The following GUCY1A2 variants were observed in gnomAD, a reference collection of about 807,000 sequenced individuals.
The protein encoded by GUCY1A2 is guanylate cyclase soluble subunit alpha-2.
GUCY1A2 carries 27 observed loss-of-function variants against 63.5 expected under a neutral mutation model. The observed-to-expected ratio is 0.43, with a 90% CI of 0.31 to 0.59. The LOEUF (loss-of-function observed/expected upper bound fraction) is 0.59. GUCY1A2 is among the 20% of genes least tolerant of loss of function. The pLI is 0.11. For missense variants in GUCY1A2, 768 were observed against 913.3 expected (o/e 0.84, Z 2.05); for synonymous variants, 364 against 343.5 (o/e 1.06, Z -0.66).
At chr11:106,692,255 T>C (rs962544425) in intron 7 of GUCY1A2, among the ~76,000 whole-genome samples, 1 of 152,164 alleles carries the variant, frequency 6.6e-6, no homozygotes, top group African/African-American at 2.4e-5. Flanking sequence ...CAGCTGGTTG[T>C]TACACACTCT....
At chr11:106,711,872 C>T (rs1863126195) in intron 6 of GUCY1A2, among the ~76,000 whole-genome samples, 1 of 152,076 alleles carries the variant, frequency 6.6e-6, no homozygotes, top group South Asian at 2.1e-4. Flanking sequence ...TCCACTGGCT[C>T]CCATCTTGCA....
intron 4 of GUCY1A2, among the ~76,000 whole-genome samples, chr11:106,857,747 T>C (rs1859456965): frequency 6.6e-6 from 1 of 152,204 alleles, no homozygotes; most frequent in African/African-American, 2.4e-5. Context: ...CATTATTTCC[T>C]TAAAAATACA....
rs1859633214 is a variant in GUCY1A2, at chr11:106,868,866, G to T, written c.1207-58388C>A. On this transcript the variant is annotated intron_variant, in intron 4 of 7. Transcript: ENST00000526355. Reference sequence around the variant, plus strand: ...ATCTGACTTCAAACCATACTACAAGGCTACAGTAACCAAAACAGCATGGTA... The same window carrying T: ...ATCTGACTTCAAACCATACTACAAGTCTACAGTAACCAAAACAGCATGGTA... Among the ~76,000 whole-genome samples, 3 of 152,120 alleles carry T rather than the reference G, an allele frequency of 2.0e-5. No homozygotes were observed. The South Asian group carries it at 6.2e-4, about 32-fold the overall frequency.
At chr11:106,779,878 C>T (rs767695964) in intron 5 of GUCY1A2, among the ~76,000 whole-genome samples, 2 of 152,120 alleles carry the variant, frequency 1.3e-5, no homozygotes, top group Middle Eastern at 3.2e-3. Flanking sequence ...ACAATCCGTA[C>T]ATGATTGTAT....
chr11:106,738,431 A>G (rs184136877), intron 6 of GUCY1A2, among the ~76,000 whole-genome samples: 4,453 of 152,194 alleles, frequency 0.029, 105 homozygotes, highest in South Asian at 0.07. Flanking sequence ...TTTTGTTGCC[A>G]TTGCTTTTGG....
In GUCY1A2 at chr11:106,687,596, C is replaced by T. The variant is rs748846335; in HGVS notation, c.2152G>A (p.Val718Ile). The T allele has an allele frequency of 1.2e-6, 2 of 1,613,980 alleles. No individual in the cohort carries two copies. Among genetic ancestry groups the T allele is most frequent in the South Asian group, 1.1e-5 (1 of 91,080 alleles). The change falls in exon 8 of 8, where the codon GTT (valine) becomes ATT (isoleucine). Residue 718 changes from valine to isoleucine, a missense_variant. Val to Ile is a conservative substitution (Grantham distance 29, BLOSUM62 3). Around this residue, in one of 3 missense-constraint regions of GUCY1A2, gnomAD observed 150 missense variants for 188.3 expected, o/e 0.80. Coordinates refer to ENST00000526355, the MANE Select transcript of GUCY1A2 (RefSeq NM_000855.3). ...AACATGGTGCCGATGTTGTAGGAAA[C>T]CTTTTTTATTCTCGACGAAGAAAGA... ...PSLSSSRIKKVSYNIGTMFLR... is the reference protein window; with the variant it reads ...PSLSSSRIKKISYNIGTMFLR...
rs74592366 is a variant in GUCY1A2 at position 106,973,014 on chromosome 11, T to C, written c.487+5605A>G. Among the ~76,000 whole-genome samples, 845 of 152,254 alleles carry C rather than the reference T, an allele frequency of 5.5e-3. 7 individuals carry two copies. The highest frequency in any genetic ancestry group is 0.018 in the African/African-American group (764 of 41,566). On this transcript the variant is annotated intron_variant, in intron 3 of 7. Transcript: ENST00000526355. ...TTACATATAGGAAGCAGTGTCCATATACAATGGTCTCATTCTTTCTCAGGA... is the reference window on the plus strand; with the variant it reads ...TTACATATAGGAAGCAGTGTCCATACACAATGGTCTCATTCTTTCTCAGGA...
chr11:106,972,914 A>G (rs1861214500), intron 3 of GUCY1A2, among the ~76,000 whole-genome samples: 1 of 152,142 alleles, frequency 6.6e-6, no homozygotes, highest in Non-Finnish European at 1.5e-5. Flanking sequence ...AAAAGGCTAC[A>G]TACTCAATAT....
At chr11:106,756,861 G>C (rs912070501) in intron 6 of GUCY1A2, among the ~76,000 whole-genome samples, 2 of 152,116 alleles carry the variant, frequency 1.3e-5, no homozygotes, top group South Asian at 4.2e-4. Flanking sequence ...CTTTGTGGTG[G>C]TCTCTGTATT....
chr11:106,974,856 G>A (rs1861242355), intron 3 of GUCY1A2, among the ~76,000 whole-genome samples: 1 of 152,046 alleles, frequency 6.6e-6, no homozygotes, highest in South Asian at 2.1e-4. Context: ...CTTAGCAAGG[G>A]CAGTATAAAA....
At chr11:106,890,943 T>C (rs1346924987) in intron 4 of GUCY1A2, among the ~76,000 whole-genome samples, 1 of 152,172 alleles carries the variant, frequency 6.6e-6, no homozygotes, top group African/African-American at 2.4e-5. Flanking sequence ...GAAATATTTG[T>C]GTGCAAATCT....
intron 6 of GUCY1A2, 54 bp from the exon 7 acceptor site, chr11:106,708,720 A>C (rs1862963136): frequency 8.0e-7 from 1 of 1,250,900 alleles, no homozygotes; most frequent in Non-Finnish European, 1.1e-6. Flanking sequence ...TTGGTATGCA[A>C]TTATTTTAAT....
chr11:106,725,875 T>C (rs1424224398), intron 6 of GUCY1A2, among the ~76,000 whole-genome samples: 1 of 152,034 alleles, frequency 6.6e-6, no homozygotes, highest in Non-Finnish European at 1.5e-5. Flanking sequence ...ATCTTTTTTT[T>C]TTTCCCTCCT....
intron 4 of GUCY1A2, among the ~76,000 whole-genome samples, chr11:106,917,238 G>C (rs1860380807): frequency 6.9e-6 from 1 of 145,586 alleles, no homozygotes; most frequent in African/African-American, 2.4e-5. Context: ...GTTAGGGAAA[G>C]AGCATTTCAG....
chr11:106,911,573 T>C (rs1052451013), intron 4 of GUCY1A2, among the ~76,000 whole-genome samples: 2 of 152,074 alleles, frequency 1.3e-5, no homozygotes, highest in African/African-American at 4.8e-5. Context: ...CAAAGGTTGA[T>C]TTTGCATGTA....
chr11:106,901,413 T>C (rs992455026), intron 4 of GUCY1A2, among the ~76,000 whole-genome samples: 2 of 152,172 alleles, frequency 1.3e-5, no homozygotes, highest in Non-Finnish European at 2.9e-5. Flanking sequence ...CTGTTAATAT[T>C]GACATTTTGA....
chr11:106,999,088 T>C (rs1020935100), intron 1 of GUCY1A2, among the ~76,000 whole-genome samples: 1 of 152,142 alleles, frequency 6.6e-6, no homozygotes, highest in Non-Finnish European at 1.5e-5. Flanking sequence ...CACAACCCCA[T>C]GTTCCTCCAA....
Position 106,683,869 on chromosome 11 carries a change from C to T in GUCY1A2, c.*3680G>A, listed in dbSNP as rs904523806. 1 of 204,964 alleles carries T rather than the reference C, an allele frequency of 4.9e-6. No individual in the cohort carries two copies. The highest frequency in any genetic ancestry group is 6.0e-5 in the Admixed American group (1 of 16,758). The allele number at this position is 204,964 out of a possible 1,614,324, so 12.7% of individuals were successfully genotyped here. On this transcript the variant is annotated 3_prime_UTR_variant, in exon 8 of 8. Transcript: ENST00000526355. ...ACCTGATGCCTTACGACTTTAGATA[C>T]ACAATTTCATTCAGCAGCAGTATGA...
At chr11:106,925,289 T>A (rs1860507090) in intron 4 of GUCY1A2, among the ~76,000 whole-genome samples, 1 of 152,184 alleles carries the variant, frequency 6.6e-6, no homozygotes. Context: ...ATAAACTGTA[T>A]CAATTATTCA....
Sources: allele counts gnomAD v4.1 joint callset (sites outside exome capture counted in the v4.1 genomes callset), GRCh38; gene constraint gnomAD v4.1.1; regional missense constraint gnomAD v4.1.1; transcripts MANE v1.5; gene names NCBI Gene and HGNC (gene_info 2026-07-23, HGNC 2026-07-21).